Variants in RMDN1 observed in about 807,000 individuals in gnomAD.
RMDN1 encodes regulator of microtubule dynamics protein 1.
In RMDN1, 48 loss-of-function variants were observed where a neutral mutation model predicts 48.9. The ratio of observed to expected loss-of-function variants is 0.98; its 90% CI spans 0.78 to 1.25. The LOEUF is 1.25. Ranked by LOEUF, RMDN1 falls within the 50% of genes most tolerant of loss-of-function variation. The pLI is 0.00. For synonymous variants in RMDN1, 148 were observed against 132.6 expected (o/e 1.12, Z -0.80); for missense variants, 418 against 373.4 (o/e 1.12, Z -0.98).
chr8:86,478,988 G>T lies in RMDN1; in HGVS notation c.664C>A (p.Pro222Thr). 1 of 1,613,752 alleles carries T rather than the reference G, an allele frequency of 6.2e-7. No homozygotes were observed. Among genetic ancestry groups the T allele is most frequent in the Non-Finnish European group, 8.5e-7 (1 of 1,179,736 alleles). The change falls in exon 7 of 10, where the codon CCT becomes ACT. Residue 222 changes from proline to threonine, a missense_variant. Transcript: ENST00000406452. ...GIWCYTFAEM[P>T]WYQRRIAKML... ...TTAGCAATTCTTCTTTGATACCAAG[G>T]CATTTCGGCAAATGTATAGCACCTA...
At chr8:86,489,763 G>A (rs1816163252) in intron 2 of RMDN1, among the ~76,000 whole-genome samples, 1 of 150,334 alleles carries the variant, frequency 6.7e-6, no homozygotes, top group Non-Finnish European at 1.5e-5. Flanking sequence ...CCGGGAAGCA[G>A]AGGTTGCAGT....
At chr8:86,494,706 T>C (rs1817039401) in intron 2 of RMDN1, 1 of 216,882 alleles carries the variant, frequency 4.6e-6, no homozygotes, top group African/African-American at 2.3e-5. Flanking sequence ...TTAACAAATA[T>C]CAGCTGGCTG....
intron 1 of RMDN1, 89 bp downstream of exon 1, chr8:86,508,403 C>G: frequency 7.2e-7 from 1 of 1,385,624 alleles, no homozygotes; most frequent in Non-Finnish European, 9.7e-7. Context: ...ATTCCTTAGG[C>G]AGCGCGGGGC....
At chr8:86,500,018 T>C (rs1180259892) in intron 2 of RMDN1, among the ~76,000 whole-genome samples, 2 of 152,048 alleles carry the variant, frequency 1.3e-5, no homozygotes, top group Admixed American at 6.6e-5. Context: ...CCTTTCACCA[T>C]ATACAAAATC....
chr8:86,504,861 G>T, intron 2 of RMDN1: 1 of 1,074,888 alleles, frequency 9.3e-7, no homozygotes, highest in Non-Finnish European at 1.4e-6. Context: ...TTATTTAGGA[G>T]CCTGTATTTT....
At position 86,508,659 on chromosome 8, in the gene RMDN1, C is replaced by A. The variant is rs752863253; in HGVS notation, c.-39G>T. On this transcript the variant is annotated 5_prime_UTR_variant, in exon 1 of 10. Coordinates refer to ENST00000406452, the MANE Select transcript of RMDN1 (RefSeq NM_016033.3). ...CGGGCTGACCCTGCACTACTTCAGGCAGCTACGGAGGCGGGCGGGGCTAAA... is the reference window on the plus strand; with the variant it reads ...CGGGCTGACCCTGCACTACTTCAGGAAGCTACGGAGGCGGGCGGGGCTAAA... 20 of 1,561,330 alleles carry A rather than the reference C, an allele frequency of 1.3e-5. No individual in the cohort carries two copies. Among genetic ancestry groups the A allele is most frequent in the South Asian group, 6.8e-5 (6 of 87,728 alleles).
chr8:86,481,452 A>G (rs960869234), intron 5 of RMDN1, among the ~76,000 whole-genome samples: 3 of 151,900 alleles, frequency 2.0e-5, no homozygotes, highest in Non-Finnish European at 2.9e-5. Flanking sequence ...ATTTTTTTCT[A>G]TTTCCTAAGA....
chr8:86,491,881 T>A (rs547411554), intron 2 of RMDN1, among the ~76,000 whole-genome samples: 1 of 152,318 alleles, frequency 6.6e-6, no homozygotes, highest in Non-Finnish European at 1.5e-5. Context: ...TCTGGCAAGA[T>A]AAATAGCTAT....
chr8:86,468,911 A>G (rs577672973), downstream of RMDN1, among the ~76,000 whole-genome samples: 2 of 152,182 alleles, frequency 1.3e-5, no homozygotes, highest in South Asian at 4.1e-4. Context: ...GGACTAACCG[A>G]AAGAAATTAG....
chr8:86,487,919 T>C (rs772624681), intron 3 of RMDN1, among the ~76,000 whole-genome samples: 1 of 152,114 alleles, frequency 6.6e-6, no homozygotes, highest in Non-Finnish European at 1.5e-5. Flanking sequence ...CAGATGAAAA[T>C]GACTCAATAT....
upstream of RMDN1, among the ~76,000 whole-genome samples, chr8:86,512,034 A>G (rs1435321991): frequency 6.6e-6 from 1 of 152,202 alleles, no homozygotes; most frequent in Admixed American, 6.5e-5. Flanking sequence ...TGAATTCAAC[A>G]CATGTTAAAT....
chr8:86,488,765 C>T (rs1488781611), intron 2 of RMDN1, 126 bp from the exon 3 acceptor site: 1 of 500,052 alleles, frequency 2.0e-6, no homozygotes, highest in Non-Finnish European at 3.4e-6. Flanking sequence ...AAATGACCTA[C>T]AATGAAACAG....
chr8:86,498,137 G>A (rs1046753043), intron 2 of RMDN1, among the ~76,000 whole-genome samples: 9 of 152,052 alleles, frequency 5.9e-5, no homozygotes, highest in Non-Finnish European at 1.0e-4. Context: ...ACACCTCTAG[G>A]CATACAAACT....
upstream of RMDN1, among the ~76,000 whole-genome samples, chr8:86,510,052 T>C (rs887445626): frequency 2.0e-5 from 3 of 152,226 alleles, no homozygotes; most frequent in Admixed American, 6.5e-5. Flanking sequence ...AAAAAAAAAT[T>C]AGATCCTAAG....
At chr8:86,483,374 G>A (rs1217787397) in intron 5 of RMDN1, among the ~76,000 whole-genome samples, 1 of 152,022 alleles carries the variant, frequency 6.6e-6, no homozygotes, top group Non-Finnish European at 1.5e-5. Flanking sequence ...TCTACATCCT[G>A]AGGCACAGAG....
At chr8:86,488,699 A>T (rs1163034307) in intron 2 of RMDN1, 60 bp from the exon 3 acceptor site, 13 of 1,152,390 alleles carry the variant, frequency 1.1e-5, no homozygotes, top group Non-Finnish European at 1.5e-5. Flanking sequence ...GTCAGATGAC[A>T]ATAATTCAAA....
chr8:86,504,814 ACTT>A, intron 2 of RMDN1: 1 of 1,046,062 alleles, frequency 9.6e-7, no homozygotes, highest in Non-Finnish European at 1.5e-6. Flanking sequence ...TATACCTCCA[ACTT>A]CTTAGTCGGA....
chr8:86,473,827 C>A lies in RMDN1; in HGVS notation c.*481G>T, dbSNP rs556414816. ...ATCTCCTTACTTAGTTCTTTACTTA[C>A]ACAGGTTAGCTCCAAGATATATCAT... On this transcript the variant is annotated 3_prime_UTR_variant, in exon 10 of 10. Transcript: ENST00000406452. The A allele has an allele frequency of 3.0e-6, 3 of 985,252 alleles. No individual in the cohort carries two copies. Among genetic ancestry groups the A allele is most frequent in the East Asian group, 2.3e-4 (2 of 8,840 alleles). The allele number at this position is 985,252 out of a possible 1,614,324, so 61.0% of individuals were successfully genotyped here.
chr8:86,492,746 T>A (rs1816721887), intron 2 of RMDN1, among the ~76,000 whole-genome samples: 1 of 151,484 alleles, frequency 6.6e-6, no homozygotes, highest in South Asian at 2.1e-4. Flanking sequence ...CAAGTGGGTA[T>A]CTGGTACCAC....
Sources: allele counts gnomAD v4.1 joint callset (sites outside exome capture counted in the v4.1 genomes callset), GRCh38; gene constraint gnomAD v4.1.1; transcripts MANE v1.5; gene names NCBI Gene and HGNC (gene_info 2026-07-23, HGNC 2026-07-21).